Variants in CNIH3 observed in about 807,000 individuals in gnomAD.
CNIH3 encodes the protein protein cornichon homolog 3.
In CNIH3, 14 loss-of-function variants were observed where a neutral mutation model predicts 24.1. That is an observed-to-expected ratio of 0.58 (90% CI 0.38 to 0.91). CNIH3 has a LOEUF of 0.91. Ranked by LOEUF, CNIH3 falls within the 40% of genes least tolerant of loss-of-function variation. CNIH3 has a pLI of 0.00. For missense variants in CNIH3, 178 were observed against 196.8 expected (o/e 0.90, Z 0.57); for synonymous variants, 68 against 73.8 (o/e 0.92, Z 0.40).
At chr1:224,666,944 C>G (rs938655021) in intron 1 of CNIH3, among the ~76,000 whole-genome samples, 4 of 152,198 alleles carry the variant, frequency 2.6e-5, no homozygotes, top group Admixed American at 1.3e-4. Flanking sequence ...GGGCAGTTTG[C>G]AAATTGAAAT....
At chr1:224,674,718 A>G (rs1373804068) in intron 1 of CNIH3, among the ~76,000 whole-genome samples, 2 of 150,426 alleles carry the variant, frequency 1.3e-5, no homozygotes, top group African/African-American at 4.9e-5. Context: ...GTTCATAGAA[A>G]CAGCTTCACT....
chr1:224,463,795 T>A (rs1456635553), intron 1 of CNIH3, among the ~76,000 whole-genome samples: 1 of 126,276 alleles, frequency 7.9e-6, no homozygotes, highest in Non-Finnish European at 1.6e-5. Flanking sequence ...TTTTTTTTTT[T>A]TTTTTTTTTT....
intron 1 of CNIH3, among the ~76,000 whole-genome samples, chr1:224,500,646 C>T (rs868365473): frequency 2.6e-5 from 4 of 151,238 alleles, no homozygotes; most frequent in African/African-American, 9.7e-5. Context: ...GCACTCCAAC[C>T]TGCTGGGCGA....
At chr1:224,445,548 C>T (rs1401641366) in intron 1 of CNIH3, among the ~76,000 whole-genome samples, 2 of 124,948 alleles carry the variant, frequency 1.6e-5, no homozygotes, top group Non-Finnish European at 3.2e-5. Context: ...TGCATTCCAG[C>T]TTGGGTGACA....
chr1:224,716,445 C>G (rs1375436454), intron 3 of CNIH3, among the ~76,000 whole-genome samples: 1 of 152,168 alleles, frequency 6.6e-6, no homozygotes, highest in Admixed American at 6.5e-5. Flanking sequence ...ATAATAAATG[C>G]TGAATGAGTG....
In CNIH3 at chr1:224,572,336, T is replaced by C. The variant is rs757116741; in HGVS notation, n.516+6072T>C. Among the ~76,000 whole-genome samples, 73 of 152,004 alleles carry C rather than the reference T, an allele frequency of 4.8e-4. 1 individual carries two copies. Among genetic ancestry groups the C allele is most frequent in the Non-Finnish European group, 1.8e-4 (12 of 68,006 alleles). On this transcript the variant is annotated intron_variant and non_coding_transcript_variant, in intron 4 of 5. Transcript: ENST00000471578. Reference sequence around the variant, plus strand: ...TTTGAGACCAGCCTAGTCAACATGGTGAAACCCTGTCTCTACTAAAAATAC... The same window carrying C: ...TTTGAGACCAGCCTAGTCAACATGGCGAAACCCTGTCTCTACTAAAAATAC...
chr1:224,574,709 C>T, intron 4 of CNIH3: 1 of 1,197,130 alleles, frequency 8.4e-7, no homozygotes, highest in Non-Finnish European at 1.2e-6. Context: ...TGAAAGGAGC[C>T]TGCCAGAAGA....
intron 1 of CNIH3, among the ~76,000 whole-genome samples, chr1:224,667,610 G>A (rs186380457): frequency 1.3e-5 from 2 of 152,332 alleles, no homozygotes; most frequent in African/African-American, 4.8e-5. Context: ...ACAAGAGAGA[G>A]ACTGCACTTT....
intron 3 of CNIH3, among the ~76,000 whole-genome samples, chr1:224,559,314 G>T (rs1470881738): frequency 6.6e-6 from 1 of 152,158 alleles, no homozygotes; most frequent in Non-Finnish European, 1.5e-5. Flanking sequence ...ATCGTGTGAT[G>T]AAACTAACTC....
rs546245463 is a variant in CNIH3, at chr1:224,733,515, C to T, written c.312-1048C>T. 5.5e-4 allele frequency among the ~76,000 whole-genome samples: 83 copies of T among 152,290 alleles called. 1 individual carries two copies. The South Asian group carries it at 0.016, about 29-fold the overall frequency. ...TCAGCACAGTGTCAGTGACAGATAA[C>T]GTCAGTGCAATTCTCTGAAGGGGAA... On this transcript the variant is annotated intron_variant, in intron 4 of 5. Coordinates refer to ENST00000272133, the MANE Select transcript of CNIH3 (RefSeq NM_152495.2).
intron 5 of CNIH3, among the ~76,000 whole-genome samples, chr1:224,738,249 A>G (rs1366861011): frequency 6.6e-6 from 1 of 152,246 alleles, no homozygotes; most frequent in Non-Finnish European, 1.5e-5. Flanking sequence ...AGTGTCTGGC[A>G]TAACGAATGA....
chr1:224,713,180 C>G (rs537134637), intron 3 of CNIH3, among the ~76,000 whole-genome samples: 4 of 152,276 alleles, frequency 2.6e-5, no homozygotes, highest in Non-Finnish European at 4.4e-5. Flanking sequence ...CCCAGGAGAC[C>G]CGTTGCAGTC....
Position 224,739,295 on chromosome 1 carries a change from C to CTTTTT in CNIH3, c.456-13_456-9dup, listed in dbSNP as rs11342205. On this transcript the variant is annotated intron_variant, in intron 5 of 5. Coordinates refer to ENST00000272133, the MANE Select transcript of CNIH3 (RefSeq NM_152495.2). Reference sequence around the variant, plus strand: ...TGGGCTTCTACTAACACCTTCCTCTCTTTTTTTTTTTTTTTTTTTTTTTTT... The same window carrying CTTTTT: ...TGGGCTTCTACTAACACCTTCCTCTCTTTTTTTTTTTTTTTTTTTTTTTTTTTTTT... 559 of 1,342,346 alleles carry CTTTTT rather than the reference C, an allele frequency of 4.2e-4. 1 individual carries two copies. Among genetic ancestry groups the CTTTTT allele is most frequent in the South Asian group, 1.4e-3 (108 of 74,568 alleles). 83.2% of individuals were successfully genotyped at this position (1,342,346 alleles called of 1,614,324 possible).
chr1:224,723,469 C>T (rs1170431407), intron 3 of CNIH3, among the ~76,000 whole-genome samples: 6 of 152,140 alleles, frequency 3.9e-5, no homozygotes. Context: ...GTGAAGAAAA[C>T]ATAGGGAGAA....
At chr1:224,658,720 TC>T (rs1347928518) in intron 1 of CNIH3, among the ~76,000 whole-genome samples, 5 of 143,448 alleles carry the variant, frequency 3.5e-5, no homozygotes, top group African/African-American at 1.1e-4. Context: ...CTCTCTCCCC[TC>T]TTTTTTTTTT....
intron 1 of CNIH3, among the ~76,000 whole-genome samples, chr1:224,484,057 G>C (rs1676926522): frequency 6.6e-6 from 1 of 151,818 alleles, no homozygotes. Context: ...TGTAATCCCA[G>C]CTACTCTGGA....
intron 3 of CNIH3, among the ~76,000 whole-genome samples, chr1:224,708,402 C>G (rs1487910862): frequency 1.3e-5 from 2 of 152,198 alleles, no homozygotes. Context: ...CTTCCTTGTT[C>G]TAAAAAGTTG....
intron 5 of CNIH3, among the ~76,000 whole-genome samples, chr1:224,736,406 G>A (rs938538760): frequency 2.0e-5 from 3 of 152,316 alleles, no homozygotes; most frequent in Non-Finnish European, 2.9e-5. Flanking sequence ...GATTACAGGC[G>A]TGAGCCACCG....
chr1:224,601,011 C>T lies in CNIH3; in HGVS notation n.402+34747C>T, dbSNP rs547807697. On this transcript the variant is annotated intron_variant and non_coding_transcript_variant, in intron 3 of 7. Coordinates refer to the CNIH3 transcript ENST00000478120. ...TGCCTCCTCAGAAGAGATAATTTGA[C>T]TGAGAGGCATAAAGCAGAGTGAGAG... 1.1e-4 allele frequency among the ~76,000 whole-genome samples: 17 copies of T among 152,288 alleles called. No homozygotes were observed. In the South Asian group the frequency reaches 3.5e-3, roughly 32 times the overall value.
Sources: allele counts gnomAD v4.1 joint callset (sites outside exome capture counted in the v4.1 genomes callset), GRCh38; gene constraint gnomAD v4.1.1; transcripts MANE v1.5; gene names NCBI Gene and HGNC (gene_info 2026-07-23, HGNC 2026-07-21).